Variants in ELMOD3 observed in about 807,000 individuals in gnomAD.
The protein encoded by ELMOD3 is ELMO domain containing 3, also known as ELMO domain-containing protein 3.
In ELMOD3, 36 loss-of-function variants were observed where a neutral mutation model predicts 47.4. The ratio of observed to expected loss-of-function variants is 0.76; its 90% CI spans 0.58 to 1.00. The LOEUF (loss-of-function observed/expected upper bound fraction) is 1.00. Ranked by LOEUF, ELMOD3 falls within the 50% of genes least tolerant of loss-of-function variation. ELMOD3 has a pLI of 0.00. For synonymous variants in ELMOD3, 149 were observed against 183.5 expected (o/e 0.81, Z 1.52); for missense variants, 404 against 463.8 (o/e 0.87, Z 1.18).
At chr2:85,390,311 C>T in intron 13 of ELMOD3, 46 bp downstream of exon 13, 6 of 1,614,062 alleles carry the variant, frequency 3.7e-6, no homozygotes, top group Non-Finnish European at 5.1e-6. Context: ...GCACAGTGTC[C>T]CAGGTCCAGA....
intron 7 of ELMOD3, among the ~76,000 whole-genome samples, chr2:85,369,504 C>A (rs1684632918): frequency 6.6e-6 from 1 of 152,214 alleles, no homozygotes; most frequent in South Asian, 2.1e-4. Flanking sequence ...GGCAGATCCG[C>A]CCCATACCCA....
At chr2:85,383,299 T>C (rs1208208068) in intron 11 of ELMOD3, among the ~76,000 whole-genome samples, 2 of 151,830 alleles carry the variant, frequency 1.3e-5, no homozygotes, top group African/African-American at 4.8e-5. Context: ...TGGCTAACTT[T>C]TGTATTTTTA....
chr2:85,357,115 TC>T lies in ELMOD3; in HGVS notation c.-82del. The T allele has an allele frequency of 1.1e-6, 1 of 917,766 alleles. No homozygotes were observed. The allele number at this position is 917,766 out of a possible 1,614,324, so 56.9% of individuals were successfully genotyped here. A position where few individuals can be genotyped will look rare whatever the true frequency, so the allele number is the denominator to read the frequency against. On this transcript the variant is annotated 5_prime_UTR_variant, in exon 4 of 14. Transcript: ENST00000409013. Reference sequence around the variant, plus strand: ...GGTAGAGCAACTGGATCTCTGGCTCTCCACATAGCTTCTGATCTCAGACCTT... The same window carrying T: ...GGTAGAGCAACTGGATCTCTGGCTCTCACATAGCTTCTGATCTCAGACCTT...
chr2:85,389,256 G>A (rs1031295040), intron 11 of ELMOD3, among the ~76,000 whole-genome samples: 12 of 152,224 alleles, frequency 7.9e-5, no homozygotes, highest in African/African-American at 2.9e-4. Flanking sequence ...TTCTACCCAC[G>A]TGCGTCTTCT....
In ELMOD3 at chr2:85,380,123, A is replaced by C. The variant is rs751568566; in HGVS notation, c.738+2649A>C. On this transcript the variant is annotated intron_variant, in intron 11 of 13. Transcript: ENST00000409013. ...GTTTCTCCAGTTGTGTCCTATTAGC[A>C]GTGAAAACAGATTCTTATTGTATTT... 3.1e-4 allele frequency among the ~76,000 whole-genome samples: 47 copies of C among 152,362 alleles called. 1 individual carries two copies. The highest frequency in any genetic ancestry group is 6.8e-3 in the Middle Eastern group (2 of 294).
rs1316465967 is a variant in ELMOD3 at position 85,363,093 on chromosome 2, A to G, written c.130-4A>G. 1.2e-6 allele frequency: 2 copies of G among 1,601,496 alleles called. No homozygotes were observed. Among genetic ancestry groups the G allele is most frequent in the South Asian group, 2.2e-5 (2 of 90,658 alleles). ...CTCAAGCTAAAGGTCAGCTGCCTCT[A>G]CAGATCTCAGAGTTGAAGAACCATG... On this transcript the variant is annotated splice_region_variant and splice_polypyrimidine_tract_variant and intron_variant, in intron 5 of 13. Transcript: ENST00000409013.
intron 11 of ELMOD3, among the ~76,000 whole-genome samples, chr2:85,378,937 A>C: frequency 6.6e-6 from 1 of 152,190 alleles, no homozygotes; most frequent in East Asian, 1.9e-4. Flanking sequence ...ATGAAGAGAA[A>C]ATACGGGGAG....
intron 11 of ELMOD3, among the ~76,000 whole-genome samples, chr2:85,383,501 G>A (rs1340536870): frequency 6.6e-6 from 1 of 152,020 alleles, no homozygotes; most frequent in Non-Finnish European, 1.5e-5. Flanking sequence ...CAGAGGGCAG[G>A]TCCAGACAGA....
chr2:85,371,899 G>A (rs752880405), intron 10 of ELMOD3: 7 of 252,446 alleles, frequency 2.8e-5, no homozygotes, highest in South Asian at 9.1e-5. Context: ...GGTGGGGTGC[G>A]GTGGCCTGTG....
At chr2:85,363,270 A>G (rs557940265) in intron 6 of ELMOD3, 104 bp downstream of exon 6, 376 of 681,136 alleles carry the variant, frequency 5.5e-4, no homozygotes, top group Admixed American at 9.4e-4. Context: ...CTTGTCTTTC[A>G]GAATTTTGTA....
chr2:85,364,078 G>A lies in ELMOD3; in HGVS notation c.199+912G>A, dbSNP rs939050777. On this transcript the variant is annotated intron_variant, in intron 6 of 13. Coordinates refer to ENST00000409013, the MANE Select transcript of ELMOD3 (RefSeq NM_001135022.2). ...CAGGAGGTGGAGGTTGCAGTGAACC[G>A]AGATTGTGCTACTGCACCCATACCT... Among the ~76,000 whole-genome samples the A allele has an allele frequency of 3.9e-5, 6 of 152,110 alleles. No individual in the cohort carries two copies. The East Asian group carries it at 5.8e-4, about 15-fold the overall frequency.
intron 4 of ELMOD3, 34 bp from the exon 5 acceptor site, chr2:85,362,152 G>T: frequency 8.1e-7 from 1 of 1,239,754 alleles, no homozygotes; most frequent in Non-Finnish European, 1.2e-6. Flanking sequence ...GGATTAATAT[G>T]TGCCTAGGAG....
intron 1 of ELMOD3, 89 bp from the exon 2 acceptor site, chr2:85,354,987 G>A (rs749859219): frequency 3.6e-4 from 57 of 157,774 alleles, no homozygotes; most frequent in Non-Finnish European, 7.1e-4. Flanking sequence ...TCCCGACTGG[G>A]AGACAGGAGT....
chr2:85,358,140 A>T (rs1483357082), intron 4 of ELMOD3, among the ~76,000 whole-genome samples: 1 of 151,862 alleles, frequency 6.6e-6, no homozygotes, highest in African/African-American at 2.4e-5. Flanking sequence ...TTATCTGGGC[A>T]TGGTGGTGCA....
At chr2:85,355,433 A>T (rs1193079953) in intron 2 of ELMOD3, 122 bp from the exon 3 acceptor site, 1 of 152,218 alleles carries the variant, frequency 6.6e-6, no homozygotes, top group East Asian at 1.9e-4. Context: ...CATAATGAAT[A>T]CTTGATTGGA....
intron 12 of ELMOD3, 26 bp from the exon 13 acceptor site, chr2:85,390,112 C>A (rs1344403408): frequency 6.3e-7 from 1 of 1,598,992 alleles, no homozygotes; most frequent in South Asian, 1.1e-5. Context: ...CACCGCTGAG[C>A]AGGTCACCTT....
chr2:85,384,375 T>A (rs1685784711), intron 11 of ELMOD3, among the ~76,000 whole-genome samples: 1 of 152,142 alleles, frequency 6.6e-6, no homozygotes, highest in South Asian at 2.1e-4. Flanking sequence ...CCTGAGGAAA[T>A]GCCTTGCACA....
chr2:85,383,327 C>T (rs1348673311), intron 11 of ELMOD3, among the ~76,000 whole-genome samples: 2 of 150,430 alleles, frequency 1.3e-5, no homozygotes, highest in African/African-American at 4.9e-5. Flanking sequence ...CAGGGTTTCA[C>T]CATATCATAT....
intron 10 of ELMOD3, among the ~76,000 whole-genome samples, chr2:85,374,094 C>A (rs1011307494): frequency 3.3e-5 from 5 of 151,842 alleles, no homozygotes; most frequent in Admixed American, 2.0e-4. Context: ...TTTTTCAGCA[C>A]TTGAAAATGT....
Sources: allele counts gnomAD v4.1 joint callset (sites outside exome capture counted in the v4.1 genomes callset), GRCh38; gene constraint gnomAD v4.1.1; transcripts MANE v1.5; gene names NCBI Gene and HGNC (gene_info 2026-07-23, HGNC 2026-07-21).